The following MON2 variants were observed in gnomAD, a reference collection of about 807,000 sequenced individuals.
The protein encoded by MON2 is MON2 regulator of endosome-to-Golgi trafficking, also known as protein MON2 homolog.
A neutral mutation model predicts 208.6 loss-of-function variants in MON2; 84 were observed. The ratio of observed to expected loss-of-function variants is 0.40; its 90% CI spans 0.34 to 0.48. The LOEUF is 0.48. Among genes scored for constraint, MON2 ranks in the 20% least tolerant of loss-of-function variants. MON2 has a pLI of 0.59. For synonymous variants in MON2, 660 were observed against 694.0 expected, an observed-to-expected ratio of 0.95 and a Z score of 0.77; for missense variants, 1,611 against 2,015.4, an observed-to-expected ratio of 0.80 and a Z score of 3.84.
In MON2 at chr12:62,560,611, C is replaced by T; in HGVS notation, c.3530C>T (p.Ser1177Phe). 2 of 1,614,014 alleles carry T rather than the reference C, an allele frequency of 1.2e-6. No individual in the cohort carries two copies. Among genetic ancestry groups the T allele is most frequent in the Non-Finnish European group, 1.7e-6 (2 of 1,179,988 alleles). ...KSFQEILQIV[S>F]PVRDSDKPET... Reference sequence around the variant, plus strand: ...TTCCAGGAAATTTTACAGATTGTGTCCCCTGTCAGAGACTCAGATAAGCCT... The same window carrying T: ...TTCCAGGAAATTTTACAGATTGTGTTCCCTGTCAGAGACTCAGATAAGCCT... Residue 1177 changes from serine to phenylalanine, a missense_variant, in exon 26 of 35, where the codon TCC becomes TTC. Transcript: ENST00000393630.
Position 62,471,648 on chromosome 12 carries a change from A to G in MON2, c.111+4330A>G, listed in dbSNP as rs149752338. Among the ~76,000 whole-genome samples the G allele has an allele frequency of 9.0e-3, 1,372 of 152,336 alleles. 4 individuals carry two copies. Among genetic ancestry groups the G allele is most frequent in the Non-Finnish European group, 0.015 (1,005 of 68,026 alleles). On this transcript the variant is annotated intron_variant, in intron 1 of 34. Coordinates refer to ENST00000393630, the MANE Select transcript of MON2 (RefSeq NM_015026.3). Reference sequence around the variant, plus strand: ...ACCATAGAATTGGATGAAATGGGCCAGGAAGAGTGTGTGTATAGAGTGAGA... The same window carrying G: ...ACCATAGAATTGGATGAAATGGGCCGGGAAGAGTGTGTGTATAGAGTGAGA...
At chr12:62,524,430 A>C in intron 8 of MON2, 85 bp from the exon 9 acceptor site, 1 of 1,112,106 alleles carries the variant, frequency 9.0e-7, no homozygotes, top group Non-Finnish European at 1.3e-6. Context: ...TGGTTTGTCC[A>C]TAGCACTAAG....
In MON2 at chr12:62,598,799, G is replaced by A. The variant is rs1298463224; in HGVS notation, c.*6050G>A. ...AACCCAAATTTTCTTTGTAGTCTAGGATAGATTTTTCATGAAAGCTATATA... is the reference window on the plus strand; with the variant it reads ...AACCCAAATTTTCTTTGTAGTCTAGAATAGATTTTTCATGAAAGCTATATA... On this transcript the variant is annotated 3_prime_UTR_variant, in exon 35 of 35. Transcript: ENST00000393630. 6.6e-6 allele frequency: 1 copy of A among 152,050 alleles called. No homozygotes were observed. Among genetic ancestry groups the A allele is most frequent in the Non-Finnish European group, 1.5e-5 (1 of 67,994 alleles). The allele number at this position is 152,050 out of a possible 1,614,324, so 9.4% of individuals were successfully genotyped here. A position where few individuals can be genotyped will look rare whatever the true frequency, so the allele number is the denominator to read the frequency against.
intron 31 of MON2, among the ~76,000 whole-genome samples, chr12:62,578,787 C>T (rs901477102): frequency 6.6e-6 from 1 of 152,144 alleles, no homozygotes; most frequent in African/African-American, 2.4e-5. Context: ...ATAAATCCAT[C>T]AGTCAGGAGG....
At chr12:62,484,304 TA>T (rs2069628765) in intron 2 of MON2, 71 bp downstream of exon 2, 1 of 994,156 alleles carries the variant, frequency 1.0e-6, no homozygotes, top group Admixed American at 2.3e-5. Context: ...ATCTTTATTG[TA>T]AAAGCCATCA....
chr12:62,467,032 T>C lies in MON2; in HGVS notation c.-176T>C. On this transcript the variant is annotated 5_prime_UTR_variant, in exon 1 of 35. Transcript: ENST00000393630. ...CGCCTCCGAGAAAAGCCAGAGGTGT[T>C]GCGGGGAAGCTGCTGGGGGACGCTC... 1 of 527,548 alleles carries C rather than the reference T, an allele frequency of 1.9e-6. No individual in the cohort carries two copies. Among genetic ancestry groups the C allele is most frequent in the Non-Finnish European group, 3.4e-6 (1 of 297,762 alleles). 32.7% of individuals were successfully genotyped at this position (527,548 alleles called of 1,614,324 possible).
chr12:62,557,326 C>T (rs1344014518), intron 25 of MON2, among the ~76,000 whole-genome samples: 1 of 152,194 alleles, frequency 6.6e-6, no homozygotes, highest in African/African-American at 2.4e-5. Flanking sequence ...TCCCATAAGA[C>T]ATTTGGCAAT....
At chr12:62,534,552 T>TATATATATATTTTATATATATATATAAA (rs2072866056) in intron 12 of MON2, among the ~76,000 whole-genome samples, 1 of 117,944 alleles carries the variant, frequency 8.5e-6, no homozygotes, top group African/African-American at 3.5e-5. Context: ...AATATATATA[T>TATATATATATTTTATATATATATATAAA]ATATATATAT....
At chr12:62,535,011 A>G (rs546578099) in intron 13 of MON2, 85 bp downstream of exon 13, 2 of 985,270 alleles carry the variant, frequency 2.0e-6, no homozygotes, top group African/African-American at 1.6e-5. Context: ...TGTCCCTAGA[A>G]TTATTTTCTA....
rs1223549725 is a variant in MON2, at chr12:62,501,842, T to C, written c.789+144T>C. On this transcript the variant is annotated intron_variant, in intron 7 of 34. Transcript: ENST00000393630. ...GGTTCATGCCTGTAATTGCAACACT[T>C]TGGGAGGCTGAGGTGGGAGGATTGC... 1.1e-5 allele frequency: 9 copies of C among 845,574 alleles called. No individual in the cohort carries two copies. The East Asian group carries it at 2.1e-4, about 20-fold the overall frequency. 52.4% of individuals were successfully genotyped at this position (845,574 alleles called of 1,614,324 possible).
At chr12:62,523,014 A>T (rs2072138732) in intron 8 of MON2, among the ~76,000 whole-genome samples, 1 of 152,186 alleles carries the variant, frequency 6.6e-6, no homozygotes, top group South Asian at 2.1e-4. Flanking sequence ...TGTTTCTGAG[A>T]TCCTTTGTAT....
chr12:62,565,512 G>A (rs2074347625), intron 27 of MON2, 132 bp downstream of exon 27: 1 of 798,406 alleles, frequency 1.3e-6, no homozygotes, highest in Admixed American at 3.1e-5. Flanking sequence ...ATACATGTCT[G>A]TTAGCAGTTT....
At chr12:62,584,099 A>C (rs934329210) in intron 32 of MON2, among the ~76,000 whole-genome samples, 11 of 152,110 alleles carry the variant, frequency 7.2e-5, no homozygotes, top group Admixed American at 6.5e-5. Context: ...GTTAAAACTC[A>C]TACTGTTGGC....
At chr12:62,509,102 A>G (rs1325762108) in intron 8 of MON2, 2 of 149,088 alleles carry the variant, frequency 1.3e-5, no homozygotes, top group African/African-American at 4.9e-5. Flanking sequence ...TTTCACATTT[A>G]TATTCTTCTT....
Position 62,593,139 on chromosome 12 carries a change from C to T in MON2, c.*390C>T, listed in dbSNP as rs2075446670. The T allele has an allele frequency of 6.3e-6, 1 of 157,604 alleles. No individual in the cohort carries two copies. The highest frequency in any genetic ancestry group is 1.4e-5 in the Non-Finnish European group (1 of 70,958). 9.8% of individuals were successfully genotyped at this position (157,604 alleles called of 1,614,324 possible). A position where few individuals can be genotyped will look rare whatever the true frequency, so the allele number is the denominator to read the frequency against. On this transcript the variant is annotated 3_prime_UTR_variant, in exon 35 of 35. Coordinates refer to ENST00000393630, the MANE Select transcript of MON2 (RefSeq NM_015026.3). ...GATTTATTAGTCTGGTGTTTTTGCACCCTTTTTCAAGTACAAAATCGTACT... is the reference window on the plus strand; with the variant it reads ...GATTTATTAGTCTGGTGTTTTTGCATCCTTTTTCAAGTACAAAATCGTACT...
Position 62,594,924 on chromosome 12 carries a change from T to G in MON2, c.*2175T>G, listed in dbSNP as rs958459497. The G allele has an allele frequency of 6.6e-6, 1 of 152,138 alleles. No homozygotes were observed. Among genetic ancestry groups the G allele is most frequent in the South Asian group, 2.1e-4 (1 of 4,830 alleles). 9.4% of individuals were successfully genotyped at this position (152,138 alleles called of 1,614,324 possible). A position where few individuals can be genotyped will look rare whatever the true frequency, so the allele number is the denominator to read the frequency against. ...ACCCTCCAAGAGTCACTACAGTAATTGATTGCTGGCATGGAACACATTGCC... is the reference window on the plus strand; with the variant it reads ...ACCCTCCAAGAGTCACTACAGTAATGGATTGCTGGCATGGAACACATTGCC... On this transcript the variant is annotated 3_prime_UTR_variant, in exon 35 of 35. Transcript: ENST00000393630.
intron 8 of MON2, among the ~76,000 whole-genome samples, chr12:62,509,413 C>A (rs1056447743): frequency 6.6e-6 from 1 of 152,146 alleles, no homozygotes; most frequent in Non-Finnish European, 1.5e-5. Flanking sequence ...CCATGCCTGG[C>A]CCTATATTCT....
intron 25 of MON2, 58 bp downstream of exon 25, chr12:62,556,250 A>C: frequency 6.9e-7 from 1 of 1,454,476 alleles, no homozygotes; most frequent in South Asian, 1.2e-5. Flanking sequence ...AAATTTGGAA[A>C]ATACAGACGA....
intron 8 of MON2, among the ~76,000 whole-genome samples, chr12:62,513,618 C>T (rs542894203): frequency 6.6e-6 from 1 of 152,228 alleles, no homozygotes; most frequent in South Asian, 2.1e-4. Context: ...TTTAAGAGCA[C>T]CCAAGTCACC....
Sources: gnomAD v4.1 joint callset for allele counts (sites outside exome capture counted in the v4.1 genomes callset) on GRCh38, gnomAD v4.1.1 for gene constraint, MANE v1.5 for transcripts, NCBI Gene and HGNC (gene_info 2026-07-23, HGNC 2026-07-21) for gene names.